The following LRMDA variants were observed in gnomAD, a reference collection of about 807,000 sequenced individuals.
The protein encoded by LRMDA is leucine-rich melanocyte differentiation-associated protein.
A neutral mutation model predicts 29.8 loss-of-function variants in LRMDA; 18 were observed. The observed-to-expected ratio is 0.60, with a 90% CI of 0.42 to 0.90. The LOEUF (loss-of-function observed/expected upper bound fraction) is 0.90. Ranked by LOEUF, LRMDA falls within the 40% of genes least tolerant of loss-of-function variation. The pLI is 0.00. For synonymous variants in LRMDA, 125 were observed against 109.4 expected (o/e 1.14, Z -0.89); for missense variants, 273 against 273.9 (o/e 1.00, Z 0.02).
chr10:75,854,716 C>T (rs955862343), intron 2 of LRMDA, among the ~76,000 whole-genome samples: 27 of 151,706 alleles, frequency 1.8e-4, no homozygotes, highest in African/African-American at 6.1e-4. Flanking sequence ...TATCCCTCCC[C>T]ACTCCCCCCA....
intron 5 of LRMDA, among the ~76,000 whole-genome samples, chr10:76,192,007 G>C (rs550105866): frequency 6.6e-6 from 1 of 152,126 alleles, no homozygotes; most frequent in Non-Finnish European, 1.5e-5. Flanking sequence ...CAGGTCTCGC[G>C]TGCGGTATGC....
chr10:76,145,284 C>T (rs527240632), intron 5 of LRMDA, among the ~76,000 whole-genome samples: 132 of 152,262 alleles, frequency 8.7e-4, no homozygotes, highest in Middle Eastern at 3.4e-3. Flanking sequence ...CCTCTTTTCA[C>T]CTCTGGTAGA....
intron 2 of LRMDA, among the ~76,000 whole-genome samples, chr10:75,463,299 G>A (rs1227656622): frequency 6.6e-6 from 1 of 152,096 alleles, no homozygotes; most frequent in Non-Finnish European, 1.5e-5. Flanking sequence ...CTGTAGGTCT[G>A]GGGTTGGGCC....
At chr10:75,789,499 C>A (rs1329947247) in intron 2 of LRMDA, among the ~76,000 whole-genome samples, 2 of 152,126 alleles carry the variant, frequency 1.3e-5, no homozygotes, top group South Asian at 4.1e-4. Flanking sequence ...CATTTCACTG[C>A]CCCTAGGGGT....
At chr10:75,650,466 C>G (rs1352026433) in intron 2 of LRMDA, among the ~76,000 whole-genome samples, 1 of 148,036 alleles carries the variant, frequency 6.8e-6, no homozygotes, top group African/African-American at 2.7e-5. Flanking sequence ...TATTTTTTGT[C>G]TCCCCCATTA....
chr10:75,687,379 A>T (rs906903771), intron 2 of LRMDA, among the ~76,000 whole-genome samples: 1 of 152,208 alleles, frequency 6.6e-6, no homozygotes, highest in Non-Finnish European at 1.5e-5. Flanking sequence ...ATATGAAGAA[A>T]GTTTTTGTGG....
chr10:76,518,513 C>T (rs937458007), intron 6 of LRMDA, among the ~76,000 whole-genome samples: 1 of 151,840 alleles, frequency 6.6e-6, no homozygotes, highest in East Asian at 1.9e-4. Context: ...CCTAAGATAC[C>T]GACATTTGTA....
intron 2 of LRMDA, among the ~76,000 whole-genome samples, chr10:75,908,620 G>A (rs2132373917): frequency 6.6e-6 from 1 of 152,254 alleles, no homozygotes; most frequent in South Asian, 2.1e-4. Flanking sequence ...TTTTGAGGTC[G>A]TTGTGAAAGA....
intron 5 of LRMDA, among the ~76,000 whole-genome samples, chr10:76,254,344 CT>C (rs1300859027): frequency 0.025 from 3,444 of 138,548 alleles, 333 homozygotes; most frequent in East Asian, 0.068. Flanking sequence ...CCATACCATC[CT>C]ATCCTATCCT....
intron 5 of LRMDA, among the ~76,000 whole-genome samples, chr10:76,232,694 C>T (rs1852080548): frequency 6.6e-6 from 1 of 152,152 alleles, no homozygotes; most frequent in South Asian, 2.1e-4. Flanking sequence ...TTCCCGAGTT[C>T]TTGTCTTGCA....
intron 6 of LRMDA, among the ~76,000 whole-genome samples, chr10:76,437,199 C>T (rs1842254081): frequency 1.3e-5 from 2 of 152,188 alleles, no homozygotes; most frequent in Admixed American, 6.5e-5. Flanking sequence ...GCGATGGATC[C>T]AGGCTCAGCT....
intron 5 of LRMDA, among the ~76,000 whole-genome samples, chr10:76,220,808 G>C (rs1326181812): frequency 6.6e-6 from 1 of 152,086 alleles, no homozygotes; most frequent in East Asian, 1.9e-4. Context: ...GCCGAGCAGA[G>C]ACACAACCAA....
intron 2 of LRMDA, among the ~76,000 whole-genome samples, chr10:75,579,492 A>C (rs1160552403): frequency 6.6e-6 from 1 of 152,250 alleles, no homozygotes; most frequent in Non-Finnish European, 1.5e-5. Context: ...TACCAGAGGC[A>C]TAAAGAGGAG....
intron 6 of LRMDA, among the ~76,000 whole-genome samples, chr10:76,362,695 C>T (rs1841326560): frequency 6.6e-6 from 1 of 152,156 alleles, no homozygotes. Flanking sequence ...CCCTTACCCT[C>T]CTTCCACCCT....
At chr10:75,488,629 T>C (rs933930098) in intron 2 of LRMDA, among the ~76,000 whole-genome samples, 3 of 152,206 alleles carry the variant, frequency 2.0e-5, no homozygotes, top group African/African-American at 7.2e-5. Flanking sequence ...GAGACTCACT[T>C]TTCAGGCCCT....
chr10:75,839,095 T>C (rs1469212832), intron 2 of LRMDA, among the ~76,000 whole-genome samples: 1 of 152,168 alleles, frequency 6.6e-6, no homozygotes, highest in African/African-American at 2.4e-5. Flanking sequence ...AAATGAAAAA[T>C]ACATAGAGCA....
At chr10:76,290,078 T>C (rs1840320244) in intron 5 of LRMDA, among the ~76,000 whole-genome samples, 1 of 152,172 alleles carries the variant, frequency 6.6e-6, no homozygotes, top group Non-Finnish European at 1.5e-5. Flanking sequence ...TCCATATTCA[T>C]GCATACCTAT....
In LRMDA at chr10:75,893,926, G is replaced by A. The variant is rs536539774; in HGVS notation, c.132-142082G>A. Among the ~76,000 whole-genome samples, 12 of 109,876 alleles carry A rather than the reference G, an allele frequency of 1.1e-4. No individual in the cohort carries two copies. In the East Asian group the frequency reaches 1.5e-3, roughly 14 times the overall value. The allele number at this position is 109,876 out of a possible 152,430, so 72.1% of individuals were successfully genotyped here. ...CCAGCCTGGGTGACAGACTGACTCC[G>A]TCTCACAAAAAAAAAAAAACAAAAA... On this transcript the variant is annotated intron_variant, in intron 2 of 6. Transcript: ENST00000611255.
chr10:76,248,091 C>T (rs577869809), intron 5 of LRMDA, among the ~76,000 whole-genome samples: 1 of 152,202 alleles, frequency 6.6e-6, no homozygotes, highest in South Asian at 2.1e-4. Flanking sequence ...ATGATCTTAC[C>T]CCAATAGTCC....
Sources: gnomAD v4.1 joint callset for allele counts (sites outside exome capture counted in the v4.1 genomes callset) on GRCh38, gnomAD v4.1.1 for gene constraint, MANE v1.5 for transcripts, NCBI Gene and HGNC (gene_info 2026-07-23, HGNC 2026-07-21) for gene names.